PLCE1: variants seen among roughly 807,000 people sequenced by gnomAD.
PLCE1 encodes the protein 1-phosphatidylinositol 4,5-bisphosphate phosphodiesterase epsilon-1.
A neutral mutation model predicts 242.8 loss-of-function variants in PLCE1; 119 were observed. The observed-to-expected ratio is 0.49, with a 90% CI of 0.42 to 0.57. The LOEUF is 0.57. Among genes scored for constraint, PLCE1 ranks in the 20% least tolerant of loss-of-function variants. PLCE1 has a pLI of 0.00. For synonymous variants in PLCE1, 945 were observed against 1,017.4 expected, an observed-to-expected ratio of 0.93 and a Z score of 1.35; for missense variants, 2,441 against 2,788.8, an observed-to-expected ratio of 0.88 and a Z score of 2.81.
intron 8 of PLCE1, 80 bp downstream of exon 8, chr10:94,246,701 A>G: frequency 1.5e-6 from 2 of 1,317,874 alleles, no homozygotes; most frequent in African/African-American, 1.4e-5. Flanking sequence ...CACCAGGTTC[A>G]TGCTCCCAGC....
intron 2 of PLCE1, among the ~76,000 whole-genome samples, chr10:94,077,889 T>C (rs2044552303): frequency 6.6e-6 from 1 of 152,252 alleles, no homozygotes; most frequent in Non-Finnish European, 1.5e-5. Context: ...ATAGGGACTT[T>C]ATTTTAAAAG....
intron 24 of PLCE1, among the ~76,000 whole-genome samples, chr10:94,300,770 G>GA (rs1284257535): frequency 1.3e-5 from 2 of 152,122 alleles, no homozygotes; most frequent in Non-Finnish European, 2.9e-5. Context: ...AATTCAAACA[G>GA]ATAGATAAGG....
chr10:94,175,862 T>C (rs775802659), intron 4 of PLCE1, among the ~76,000 whole-genome samples: 4 of 152,200 alleles, frequency 2.6e-5, no homozygotes, highest in African/African-American at 4.8e-5. Flanking sequence ...CTTAACATAA[T>C]GACCTTCAAT....
rs1187388577 is a variant in PLCE1 at position 94,313,166 on chromosome 10, A to C, written c.6004-88A>C. 338 of 1,487,020 alleles carry C rather than the reference A, an allele frequency of 2.3e-4. 1 individual carries two copies. Among genetic ancestry groups the C allele is most frequent in the South Asian group, 3.8e-4 (33 of 87,868 alleles). The allele number at this position is 1,487,020 out of a possible 1,614,324, so 92.1% of individuals were successfully genotyped here. ...TTTGCATTTACATGTTCCTATCCGT[A>C]CTTCTAAGTACTAGCACCTCTGTAT... On this transcript the variant is annotated intron_variant, in intron 27 of 32. Coordinates refer to ENST00000371380, the MANE Select transcript of PLCE1 (RefSeq NM_016341.4).
intron 1 of PLCE1, among the ~76,000 whole-genome samples, chr10:94,000,703 A>G (rs1465061982): frequency 6.6e-6 from 1 of 152,102 alleles, no homozygotes; most frequent in Admixed American, 6.6e-5. Flanking sequence ...TGCAGGTCTT[A>G]CTTCCTCTCT....
intron 2 of PLCE1, among the ~76,000 whole-genome samples, chr10:94,085,085 A>G (rs542757634): frequency 6.6e-6 from 1 of 152,272 alleles, no homozygotes; most frequent in East Asian, 1.9e-4. Flanking sequence ...TGTATAAAGG[A>G]CCTACTCTGG....
At chr10:94,097,875 T>C (rs986328971) in intron 2 of PLCE1, among the ~76,000 whole-genome samples, 2 of 152,188 alleles carry the variant, frequency 1.3e-5, no homozygotes, top group Non-Finnish European at 2.9e-5. Context: ...CAAAGTAGCA[T>C]TGGCTGCCTG....
At chr10:94,137,490 A>T (rs1341866590) in intron 3 of PLCE1, among the ~76,000 whole-genome samples, 5 of 152,104 alleles carry the variant, frequency 3.3e-5, no homozygotes, top group Non-Finnish European at 7.4e-5. Context: ...TGACAAGAGG[A>T]TTTTTCATAT....
chr10:94,019,955 A>C (rs1413267264), intron 1 of PLCE1, among the ~76,000 whole-genome samples: 1 of 152,214 alleles, frequency 6.6e-6, no homozygotes, highest in Non-Finnish European at 1.5e-5. Context: ...GCTATTGTGA[A>C]TAAAGTTGCT....
chr10:94,320,677 TTTAC>T (rs1321265123), intron 29 of PLCE1, among the ~76,000 whole-genome samples: 3 of 152,304 alleles, frequency 2.0e-5, no homozygotes, highest in South Asian at 2.1e-4. Context: ...TTGTCTACTG[TTTAC>T]TTACTTTACC....
chr10:94,221,568 C>T (rs1306557857), intron 4 of PLCE1, among the ~76,000 whole-genome samples: 1 of 152,190 alleles, frequency 6.6e-6, no homozygotes, highest in Non-Finnish European at 1.5e-5. Context: ...GAAACCCCAT[C>T]TTTCTAAAAA....
At chr10:94,282,524 T>C (rs1031610179) in intron 20 of PLCE1, among the ~76,000 whole-genome samples, 1 of 152,304 alleles carries the variant, frequency 6.6e-6, no homozygotes, top group Middle Eastern at 3.4e-3. Flanking sequence ...ATTGGGAGTA[T>C]TACAGCAGTC....
intron 3 of PLCE1, chr10:94,139,567 A>G (rs966490015): frequency 2.6e-5 from 4 of 152,322 alleles, no homozygotes; most frequent in Middle Eastern, 3.2e-3. Context: ...TATATTTTCT[A>G]TTTCTCTAGA....
intron 2 of PLCE1, among the ~76,000 whole-genome samples, chr10:94,051,396 T>A (rs1393011001): frequency 6.6e-6 from 1 of 151,866 alleles, no homozygotes; most frequent in East Asian, 1.9e-4. Context: ...ATGAAGATTT[T>A]GCCAGCTGCT....
Position 94,089,161 on chromosome 10 carries a change from G to A in PLCE1, c.1207-43013G>A, listed in dbSNP as rs144179807. The A allele has an allele frequency of 2.9e-4, 471 of 1,613,992 alleles. 1 individual carries two copies. In the African/African-American group the frequency reaches 3.6e-3, roughly 12 times the overall value. Reference sequence around the variant, plus strand: ...AATGGAAGAGGTGAGGCAGCTCCACGTGAGATTCTGCAAAGGGATTAAGAT... The same window carrying A: ...AATGGAAGAGGTGAGGCAGCTCCACATGAGATTCTGCAAAGGGATTAAGAT... On this transcript the variant is annotated intron_variant, in intron 2 of 32. Coordinates refer to ENST00000371380, the MANE Select transcript of PLCE1 (RefSeq NM_016341.4).
rs184874376 is a variant in PLCE1 at position 93,997,281 on chromosome 10, T to A, written c.-365+3023T>A. Among the ~76,000 whole-genome samples the A allele has an allele frequency of 2.3e-4, 35 of 152,338 alleles. No homozygotes were observed. The East Asian group carries it at 6.7e-3, about 29-fold the overall frequency. On this transcript the variant is annotated intron_variant, in intron 1 of 32. Transcript: ENST00000371380. The stretch of plus-strand genomic sequence containing the variant: ...TCACTTGGTGAGAACTACACATATA[T>A]TTTTACTTCAGAAATTATGGGCATA...
intron 14 of PLCE1, among the ~76,000 whole-genome samples, chr10:94,263,513 CAAAAAAA>C (rs780289280): frequency 5.2e-5 from 4 of 76,858 alleles, no homozygotes; most frequent in African/African-American, 4.7e-5. Context: ...GACCCCATCT[CAAAAAAA>C]AAAAAAAAAA....
chr10:94,089,083 T>C, intron 2 of PLCE1: 1 of 1,612,356 alleles, frequency 6.2e-7, no homozygotes, highest in South Asian at 1.1e-5. Flanking sequence ...ATTCAGTGGG[T>C]CGTGGTGATT....
chr10:94,162,322 C>T (rs1486785193), intron 3 of PLCE1, among the ~76,000 whole-genome samples: 3 of 152,138 alleles, frequency 2.0e-5, no homozygotes, highest in Non-Finnish European at 4.4e-5. Context: ...TAATTATTGC[C>T]TCAATTTCAG....
Sources: allele counts gnomAD v4.1 joint callset (sites outside exome capture counted in the v4.1 genomes callset), GRCh38; gene constraint gnomAD v4.1.1; transcripts MANE v1.5; gene names NCBI Gene and HGNC (gene_info 2026-07-23, HGNC 2026-07-21).